ATG10: variants seen among roughly 807,000 people sequenced by gnomAD.
ATG10 encodes the protein ubiquitin-like-conjugating enzyme ATG10.
ATG10 carries 30 observed loss-of-function variants against 32.1 expected under a neutral mutation model. That is an observed-to-expected ratio of 0.94 (90% CI 0.70 to 1.27). ATG10 has a LOEUF of 1.27. Among genes scored for constraint, ATG10 ranks in the 50% most tolerant of loss-of-function variants. The pLI, the probability that ATG10 is intolerant of heterozygous loss-of-function variation, is 0.00. For synonymous variants in ATG10, 87 were observed against 91.5 expected (o/e 0.95, Z 0.28); for missense variants, 233 against 262.3 (o/e 0.89, Z 0.77).
chr5:82,034,338 C>T lies in ATG10; in HGVS notation c.109-24157C>T, dbSNP rs181222341. Among the ~76,000 whole-genome samples, 215 of 152,254 alleles carry T rather than the reference C, an allele frequency of 1.4e-3. 2 individuals are homozygous for T. Among genetic ancestry groups the T allele is most frequent in the African/African-American group, 4.9e-3 (203 of 41,536 alleles). ...TTTTCTCTTACATTCCATGTTTGAT[C>T]CATTAGCAAATCCTAATAACTCTAT... On this transcript the variant is annotated intron_variant, in intron 2 of 7. Transcript: ENST00000282185.
chr5:81,988,728 C>G (rs932470301), intron 2 of ATG10, among the ~76,000 whole-genome samples: 5 of 152,112 alleles, frequency 3.3e-5, no homozygotes, highest in African/African-American at 4.8e-5. Context: ...ACCACCACGC[C>G]TGGCCCAAAG....
chr5:82,130,156 G>C (rs561530431), intron 3 of ATG10, among the ~76,000 whole-genome samples: 1 of 152,256 alleles, frequency 6.6e-6, no homozygotes, highest in East Asian at 1.9e-4. Context: ...GGGGAAAACT[G>C]CCTACTGAAG....
intron 3 of ATG10, chr5:82,148,146 G>A (rs1767442340): frequency 6.6e-6 from 1 of 152,128 alleles, no homozygotes. Flanking sequence ...GTGATTTCAT[G>A]CTATAATGAC....
intron 2 of ATG10, among the ~76,000 whole-genome samples, chr5:82,029,319 T>C (rs1762680737): frequency 8.7e-6 from 1 of 115,464 alleles, no homozygotes; most frequent in African/African-American, 2.7e-5. Context: ...AATTATACAA[T>C]ATAAAGAAAA....
At chr5:81,987,708 C>T in intron 2 of ATG10, 30 bp downstream of exon 2, 4 of 1,531,790 alleles carry the variant, frequency 2.6e-6, no homozygotes, top group Non-Finnish European at 3.6e-6. Context: ...TTTTCTGTCT[C>T]AAAAGAGGAT....
At chr5:82,165,426 G>A (rs1035346880) in intron 4 of ATG10, among the ~76,000 whole-genome samples, 3 of 152,168 alleles carry the variant, frequency 2.0e-5, no homozygotes, top group Non-Finnish European at 2.9e-5. Context: ...ATGTATGTTT[G>A]GTAGATTTAA....
intron 4 of ATG10, among the ~76,000 whole-genome samples, chr5:82,174,434 C>T (rs1743931242): frequency 6.6e-6 from 1 of 152,156 alleles, no homozygotes; most frequent in African/African-American, 2.4e-5. Flanking sequence ...TTGGGAACTG[C>T]TGGTTTTGAA....
intron 2 of ATG10, among the ~76,000 whole-genome samples, chr5:82,050,705 A>G (rs1763384872): frequency 6.6e-6 from 1 of 151,894 alleles, no homozygotes; most frequent in South Asian, 2.1e-4. Flanking sequence ...TCAAGTCAAA[A>G]TCCTACAAAT....
At chr5:82,168,381 C>T (rs1423730458) in intron 4 of ATG10, among the ~76,000 whole-genome samples, 1 of 152,140 alleles carries the variant, frequency 6.6e-6, no homozygotes, top group Non-Finnish European at 1.5e-5. Flanking sequence ...TCTTTCTTTT[C>T]ATTTGTTCTC....
chr5:82,095,304 T>C (rs1052724761), intron 3 of ATG10, among the ~76,000 whole-genome samples: 4 of 152,188 alleles, frequency 2.6e-5, no homozygotes, highest in Admixed American at 2.0e-4. Context: ...CCTTTCACTT[T>C]AATAGTTTTA....
intron 2 of ATG10, among the ~76,000 whole-genome samples, chr5:82,050,887 T>C (rs368574399): frequency 1.4e-5 from 2 of 140,468 alleles, no homozygotes; most frequent in African/African-American, 5.3e-5. Flanking sequence ...GATGTGGCAG[T>C]GTAGTCCTAG....
intron 2 of ATG10, among the ~76,000 whole-genome samples, chr5:81,995,645 A>G (rs1761642137): frequency 6.6e-6 from 1 of 152,212 alleles, no homozygotes; most frequent in South Asian, 2.1e-4. Context: ...AAAATGTGCT[A>G]AAGTATTCAC....
chr5:82,052,757 G>A (rs757383557), intron 2 of ATG10, among the ~76,000 whole-genome samples: 5 of 151,952 alleles, frequency 3.3e-5, no homozygotes, highest in African/African-American at 4.8e-5. Flanking sequence ...ACTGTTCTGC[G>A]CTTTAAAAAA....
intron 3 of ATG10, among the ~76,000 whole-genome samples, chr5:82,082,865 T>C (rs1581671260): frequency 6.6e-6 from 1 of 152,072 alleles, no homozygotes; most frequent in East Asian, 1.9e-4. Context: ...AATTAAAAAA[T>C]ACTGGGGGGA....
chr5:82,154,353 C>T (rs961849980), intron 3 of ATG10, among the ~76,000 whole-genome samples: 11 of 152,072 alleles, frequency 7.2e-5, no homozygotes, highest in Admixed American at 6.6e-4. Context: ...TGTTTGGACA[C>T]CTTTGATCTA....
At chr5:82,013,928 G>A (rs1401051493) in intron 2 of ATG10, among the ~76,000 whole-genome samples, 1 of 151,778 alleles carries the variant, frequency 6.6e-6, no homozygotes, top group Non-Finnish European at 1.5e-5. Flanking sequence ...TACAGATTGT[G>A]AATTTTAGAT....
chr5:82,240,835 G>T (rs1228999763), intron 5 of ATG10, among the ~76,000 whole-genome samples: 1 of 151,890 alleles, frequency 6.6e-6, no homozygotes, highest in Non-Finnish European at 1.5e-5. Context: ...AAGGAGAAAA[G>T]TTATAGATTT....
At chr5:82,034,813 T>C (rs1482651326) in intron 2 of ATG10, among the ~76,000 whole-genome samples, 1 of 152,190 alleles carries the variant, frequency 6.6e-6, no homozygotes, top group African/African-American at 2.4e-5. Context: ...AATGGCACCT[T>C]ATCAGTGAGA....
chr5:82,176,624 C>T (rs530491546), intron 4 of ATG10, among the ~76,000 whole-genome samples: 4 of 152,050 alleles, frequency 2.6e-5, no homozygotes, highest in Non-Finnish European at 5.9e-5. Flanking sequence ...GCATGCATGG[C>T]ATTTGCATAT....
Sources: allele counts gnomAD v4.1 joint callset (sites outside exome capture counted in the v4.1 genomes callset), GRCh38; gene constraint gnomAD v4.1.1; transcripts MANE v1.5; gene names NCBI Gene and HGNC (gene_info 2026-07-23, HGNC 2026-07-21).